SOX6: variants seen among roughly 807,000 people sequenced by gnomAD.
SOX6 encodes the protein SRY-box transcription factor 6, also known as transcription factor SOX-6.
In SOX6, 11 loss-of-function variants were observed where a neutral mutation model predicts 97.8. The observed-to-expected ratio is 0.11, with a 90% CI of 0.07 to 0.19. The LOEUF is 0.19. Among genes scored for constraint, SOX6 ranks in the 10% least tolerant of loss-of-function variants. The pLI is 1.00. For missense variants in SOX6, 810 were observed against 1,039.5 expected, an observed-to-expected ratio of 0.78 and a Z score of 3.04; for synonymous variants, 360 against 371.4, an observed-to-expected ratio of 0.97 and a Z score of 0.35.
chr11:16,008,312 T>C (rs2133854197), intron 13 of SOX6, among the ~76,000 whole-genome samples: 1 of 152,228 alleles, frequency 6.6e-6, no homozygotes, highest in South Asian at 2.1e-4. Context: ...CGGCAGACTA[T>C]ATTTCTATGT....
intron 12 of SOX6, among the ~76,000 whole-genome samples, chr11:16,027,781 C>T (rs1489460649): frequency 6.6e-6 from 1 of 152,214 alleles, no homozygotes; most frequent in Non-Finnish European, 1.5e-5. Flanking sequence ...GGAACACGTA[C>T]ATGCTCACCG....
chr11:16,735,262 A>T (rs1189869870), intron 2 of SOX6, among the ~76,000 whole-genome samples: 1 of 152,192 alleles, frequency 6.6e-6, no homozygotes, highest in Non-Finnish European at 1.5e-5. Flanking sequence ...TTTGTCTCAG[A>T]ATACAATACT....
At chr11:16,433,922 A>G (rs573671977) in intron 1 of SOX6, among the ~76,000 whole-genome samples, 1 of 152,208 alleles carries the variant, frequency 6.6e-6, no homozygotes, top group South Asian at 2.1e-4. Flanking sequence ...ATCATCTACA[A>G]GGTAGTTCAA....
chr11:16,319,345 G>C (rs1348511272), intron 2 of SOX6, among the ~76,000 whole-genome samples: 1 of 152,034 alleles, frequency 6.6e-6, no homozygotes, highest in Non-Finnish European at 1.5e-5. Context: ...TTTTCATGTG[G>C]CATTTAAAAA....
intron 1 of SOX6, among the ~76,000 whole-genome samples, chr11:16,390,128 G>T (rs533356212): frequency 6.6e-6 from 1 of 152,088 alleles, no homozygotes; most frequent in African/African-American, 2.4e-5. Flanking sequence ...ATGGTTTGGG[G>T]ATCAGTCAGA....
intron 3 of SOX6, among the ~76,000 whole-genome samples, chr11:16,236,625 G>T (rs1398366306): frequency 6.6e-6 from 1 of 151,930 alleles, no homozygotes; most frequent in East Asian, 1.9e-4. Context: ...ATATAGTATA[G>T]TAGTCAAAGA....
At chr11:16,569,114 A>G (rs545716881) in intron 4 of SOX6, among the ~76,000 whole-genome samples, 1 of 152,208 alleles carries the variant, frequency 6.6e-6, no homozygotes, top group Non-Finnish European at 1.5e-5. Context: ...ACACCAATAA[A>G]TTCCAATCCC....
chr11:16,496,223 T>G lies in SOX6; in HGVS notation n.610-19835A>C, dbSNP rs373281472. On this transcript the variant is annotated intron_variant and non_coding_transcript_variant, in intron 4 of 5. Transcript: ENST00000524520. Reference sequence around the variant, plus strand: ...ATGGAAAACAATAATTCTCCAGCAATATATTTCAATGAAAAAAAACTTATG... The same window carrying G: ...ATGGAAAACAATAATTCTCCAGCAAGATATTTCAATGAAAAAAAACTTATG... Among the ~76,000 whole-genome samples, 103 of 151,554 alleles carry G rather than the reference T, an allele frequency of 6.8e-4. No individual in the cohort carries two copies. The South Asian group carries it at 0.021, about 31-fold the overall frequency.
chr11:16,097,517 A>G (rs1015538183), intron 8 of SOX6, 92 bp downstream of exon 8: 1 of 1,099,388 alleles, frequency 9.1e-7, no homozygotes, highest in African/African-American at 1.6e-5. Flanking sequence ...AAAATTATTT[A>G]ACATTCAGGC....
At chr11:16,305,762 T>G (rs1327845087) in intron 3 of SOX6, among the ~76,000 whole-genome samples, 1 of 152,154 alleles carries the variant, frequency 6.6e-6, no homozygotes, top group Non-Finnish European at 1.5e-5. Context: ...TTGTTTGTAT[T>G]GACACCCATT....
At chr11:16,632,799 C>T (rs1018909969) in intron 3 of SOX6, among the ~76,000 whole-genome samples, 8 of 152,160 alleles carry the variant, frequency 5.3e-5, no homozygotes, top group Non-Finnish European at 1.2e-4. Flanking sequence ...TCTGCCTAGG[C>T]GTGGAGTGGA....
At chr11:16,005,571 A>G (rs564740624) in intron 13 of SOX6, among the ~76,000 whole-genome samples, 92 of 152,166 alleles carry the variant, frequency 6.0e-4, no homozygotes, top group African/African-American at 2.1e-3. Flanking sequence ...ACAGGTCTGT[A>G]GCTCTCCAGC....
intron 2 of SOX6, among the ~76,000 whole-genome samples, chr11:16,325,554 CCTT>C (rs2134314639): frequency 6.6e-6 from 1 of 152,188 alleles, no homozygotes. Flanking sequence ...TAGATTTTGG[CCTT>C]CTTGAAGATG....
rs142136509 is a variant in SOX6, at chr11:16,467,929, G to C, written c.-5+8386C>G. Among the ~76,000 whole-genome samples the C allele has an allele frequency of 6.6e-5, 10 of 152,186 alleles. No homozygotes were observed. In the East Asian group the frequency reaches 1.7e-3, roughly 26 times the overall value. On this transcript the variant is annotated intron_variant, in intron 1 of 15. Coordinates refer to the SOX6 transcript ENST00000396356. ...AGACCACCACTAAGCTTAAATAATGGCTTTATTTCCCCTTCTCTACATGCA... is the reference window on the plus strand; with the variant it reads ...AGACCACCACTAAGCTTAAATAATGCCTTTATTTCCCCTTCTCTACATGCA...
intron 6 of SOX6, among the ~76,000 whole-genome samples, chr11:16,164,331 A>C (rs1850829728): frequency 6.6e-6 from 1 of 152,204 alleles, no homozygotes. Context: ...TACCATGTTC[A>C]ATTTAAAGCA....
chr11:16,480,600 G>A (rs140697854), upstream of SOX6, among the ~76,000 whole-genome samples: 1 of 151,748 alleles, frequency 6.6e-6, no homozygotes, highest in East Asian at 1.9e-4. Flanking sequence ...TTTAAATCCT[G>A]CTTAAAAGTC....
intron 1 of SOX6, among the ~76,000 whole-genome samples, chr11:16,379,070 T>C (rs1043477164): frequency 2.0e-5 from 3 of 152,270 alleles, no homozygotes; most frequent in African/African-American, 7.2e-5. Flanking sequence ...TACAGAGCTG[T>C]TGAGTAATGA....
intron 2 of SOX6, among the ~76,000 whole-genome samples, chr11:16,329,405 A>G (rs1856210620): frequency 6.6e-6 from 1 of 152,170 alleles, no homozygotes; most frequent in Admixed American, 6.6e-5. Context: ...CAAAATTAGA[A>G]TCTCAAGATT....
intron 2 of SOX6, among the ~76,000 whole-genome samples, chr11:16,718,272 T>C (rs553075535): frequency 6.6e-6 from 1 of 152,130 alleles, no homozygotes; most frequent in South Asian, 2.1e-4. Context: ...AAAAATTTCA[T>C]TCCTCATGAT....
Sources: gnomAD v4.1 joint callset for allele counts (sites outside exome capture counted in the v4.1 genomes callset) on GRCh38, gnomAD v4.1.1 for gene constraint, MANE v1.5 for transcripts, NCBI Gene and HGNC (gene_info 2026-07-23, HGNC 2026-07-21) for gene names.